Variants in TBC1D9B observed in about 807,000 individuals in gnomAD.
TBC1D9B encodes TBC1 domain family, member 9B (with GRAM domain).
TBC1D9B carries 87 observed loss-of-function variants against 121.1 expected under a neutral mutation model. The ratio of observed to expected loss-of-function variants is 0.72; its 90% confidence interval spans 0.60 to 0.86. The LOEUF (loss-of-function observed/expected upper bound fraction) is 0.86. Ranked by LOEUF, TBC1D9B falls within the 40% of genes least tolerant of loss-of-function variation. TBC1D9B has a pLI of 0.00. For missense variants in TBC1D9B, 1,540 were observed against 1,628.6 expected (o/e 0.95, Z 0.94); for synonymous variants, 668 against 670.1 (o/e 1.00, Z 0.05).
rs1241073134 is a variant in TBC1D9B, at chr5:179,894,594, G to T, written c.369C>A (p.Asn123Lys). The T allele has an allele frequency of 3.7e-6, 6 of 1,614,076 alleles. No individual in the cohort carries two copies. The highest frequency in any genetic ancestry group is 2.7e-5 in the African/African-American group (2 of 74,936). The part of the protein sequence containing the change: ...GKIHGIIAEE[N>K]KNLQPQGDED... Reference sequence around the variant, plus strand: ...CGTCTCCCTGGGGCTGCAGGTTCTTGTTCTCTTCTGCGATGATTCCCTGGA... The same window carrying T: ...CGTCTCCCTGGGGCTGCAGGTTCTTTTTCTCTTCTGCGATGATTCCCTGGA... Residue 123 changes from asparagine (N) to lysine (K), a missense_variant, in exon 4 of 21, where the codon AAC becomes AAA. By Grantham distance (94) the Asn-to-Lys change is moderately conservative (BLOSUM62 0). Transcript: ENST00000355235.
In TBC1D9B at chr5:179,907,621, C is replaced by T; in HGVS notation, c.118+83G>A. 2 of 768,544 alleles carry T rather than the reference C, an allele frequency of 2.6e-6. No homozygotes were observed. Among genetic ancestry groups the T allele is most frequent in the Non-Finnish European group, 3.2e-6 (2 of 634,608 alleles). 47.6% of individuals were successfully genotyped at this position (768,544 alleles called of 1,614,324 possible). A position where few individuals can be genotyped will look rare whatever the true frequency, so the allele number is the denominator to read the frequency against. On this transcript the variant is annotated intron_variant, in intron 1 of 20. Transcript: ENST00000355235. This position sits in a 1 kb window ranked among gnomAD's most constrained non-coding sequence, Gnocchi z 5.3. ...CGACGCGCCGAGGCCGGGCCGGAACCGGACCCGCCCGCCGCCCGCCGCCAG... is the reference window on the plus strand; with the variant it reads ...CGACGCGCCGAGGCCGGGCCGGAACTGGACCCGCCCGCCGCCCGCCGCCAG...
Position 179,875,134 on chromosome 5 carries a change from G to A in TBC1D9B, c.1954C>T (p.Gln652Ter), listed in dbSNP as rs1320066264. 30 of 1,613,928 alleles carry A rather than the reference G, an allele frequency of 1.9e-5. No homozygotes were observed. The highest frequency in any genetic ancestry group is 2.5e-5 in the Non-Finnish European group (30 of 1,180,038). ...AGGTCCTGCATCTTCTCCGAGAGCT[G>A]CGGCAGGAAGTCTCTCGTGAGCTCT... ...FEELTRDFLP[Q>*]LSEKMQDLGV... Residue 652 changes from glutamine (Q) to a stop codon, truncating the protein, a stop_gained, in exon 12 of 21, where the codon CAG becomes TAG. Transcript: ENST00000355235. LOFTEE classifies it high-confidence loss of function. The surrounding 1 kb of genome is among the most constrained non-coding windows in gnomAD (Gnocchi z 4.5).
At chr5:179,881,938 T>C (rs1159322199) in intron 7 of TBC1D9B, among the ~76,000 whole-genome samples, 6 of 150,730 alleles carry the variant, frequency 4.0e-5, no homozygotes, top group African/African-American at 1.2e-4. Context: ...TCTTTCCATA[T>C]ACCTTCCGTT....
intron 6 of TBC1D9B, among the ~76,000 whole-genome samples, chr5:179,888,615 C>T (rs1367756903): frequency 6.6e-6 from 1 of 152,148 alleles, no homozygotes; most frequent in East Asian, 1.9e-4. Flanking sequence ...GAAGGCTGTC[C>T]GAAAGCAGGG....
In TBC1D9B at chr5:179,890,787, C is replaced by T. The variant is rs2099043; in HGVS notation, c.1044+592G>A. 0.019 allele frequency among the ~76,000 whole-genome samples: 2,956 copies of T among 152,282 alleles called. 62 individuals carry two copies. The highest frequency in any genetic ancestry group is 0.061 in the African/African-American group (2,522 of 41,556). On this transcript the variant is annotated intron_variant, in intron 6 of 20. Coordinates refer to ENST00000355235, the MANE Select transcript of TBC1D9B (RefSeq NM_015043.4). The surrounding 1 kb of genome is among the most constrained non-coding windows in gnomAD (Gnocchi z 5.0). ...CTTGTCCTTGCTGTCCACACCCCTT[C>T]GGTGCAGTGCAGGACAGATGGCCTT...
intron 2 of TBC1D9B, among the ~76,000 whole-genome samples, chr5:179,901,493 A>G (rs1378277676): frequency 6.6e-6 from 1 of 152,216 alleles, no homozygotes; most frequent in African/African-American, 2.4e-5. Context: ...TTTAATTAAA[A>G]ATATTTATAG....
At chr5:179,887,434 C>T (rs975861604) in intron 7 of TBC1D9B, among the ~76,000 whole-genome samples, 1 of 152,240 alleles carries the variant, frequency 6.6e-6, no homozygotes, top group East Asian at 1.9e-4. Context: ...ACGCCTGCAG[C>T]GGATGCAATC....
At chr5:179,864,619 G>C (rs1582070702) in intron 20 of TBC1D9B, among the ~76,000 whole-genome samples, 1 of 152,156 alleles carries the variant, frequency 6.6e-6, no homozygotes, top group African/African-American at 2.4e-5. Context: ...GTGGGTGCTA[G>C]GTCCTGAAGC....
chr5:179,879,396 C>A lies in TBC1D9B; in HGVS notation c.1417-199G>T, dbSNP rs1760464513. Reference sequence around the variant, plus strand: ...GGAGACCAGCTCCTCAGCGGGAGGGCCCTTCCCTTCAGAGGCCTGGAGTCC... The same window carrying A: ...GGAGACCAGCTCCTCAGCGGGAGGGACCTTCCCTTCAGAGGCCTGGAGTCC... On this transcript the variant is annotated intron_variant, in intron 8 of 20. Coordinates refer to ENST00000355235, the MANE Select transcript of TBC1D9B (RefSeq NM_015043.4). 3.8e-6 allele frequency: 4 copies of A among 1,044,812 alleles called. No individual in the cohort carries two copies. In the South Asian group the frequency reaches 6.5e-5, roughly 17 times the overall value. 64.7% of individuals were successfully genotyped at this position (1,044,812 alleles called of 1,614,324 possible). A position where few individuals can be genotyped will look rare whatever the true frequency, so the allele number is the denominator to read the frequency against.
intron 7 of TBC1D9B, among the ~76,000 whole-genome samples, chr5:179,883,506 T>C (rs1760595692): frequency 6.6e-6 from 1 of 152,204 alleles, no homozygotes; most frequent in South Asian, 2.1e-4. Flanking sequence ...ATTCTTGTGT[T>C]CCTGATTTTC....
Position 179,891,006 on chromosome 5 carries a change from G to A in TBC1D9B, c.1044+373C>T, listed in dbSNP as rs1474035557. ...AGGTGGCCTCTGAGAGTGACATATG[G>A]GACCGGTGCAGGAACACGGTCCTCT... On this transcript the variant is annotated intron_variant, in intron 6 of 20. Coordinates refer to ENST00000355235, the MANE Select transcript of TBC1D9B (RefSeq NM_015043.4). This position sits in a 1 kb window ranked among gnomAD's most constrained non-coding sequence, Gnocchi z 4.3. Among the ~76,000 whole-genome samples, 1 of 152,208 alleles carries A rather than the reference G, an allele frequency of 6.6e-6. No individual in the cohort carries two copies. The highest frequency in any genetic ancestry group is 1.5e-5 in the Non-Finnish European group (1 of 68,038).
At chr5:179,867,461 C>T in intron 18 of TBC1D9B, 1 of 1,558,030 alleles carries the variant, frequency 6.4e-7, no homozygotes, top group Non-Finnish European at 8.7e-7. Context: ...CCTCCCAGGG[C>T]AGGAAAAGAT....
Position 179,862,410 on chromosome 5 carries a change from A to C in TBC1D9B, c.*1038T>G. 2.7e-6 allele frequency: 1 copy of C among 371,712 alleles called. No individual in the cohort carries two copies. The highest frequency in any genetic ancestry group is 1.9e-5 in the South Asian group (1 of 53,892). 23.0% of individuals were successfully genotyped at this position (371,712 alleles called of 1,614,324 possible). A position where few individuals can be genotyped will look rare whatever the true frequency, so the allele number is the denominator to read the frequency against. ...CCCCTGCGGTCACCTTTGGCTCCAC[A>C]GTCTGGTTCTTGAACCCAAGGGCAG... On this transcript the variant is annotated 3_prime_UTR_variant, in exon 21 of 21. Coordinates refer to ENST00000355235, the MANE Select transcript of TBC1D9B (RefSeq NM_015043.4).
chr5:179,872,324 A>G (rs1323901657), intron 14 of TBC1D9B: 1 of 157,996 alleles, frequency 6.3e-6, no homozygotes, highest in Non-Finnish European at 1.4e-5. Context: ...ATGCTCCTGT[A>G]CTTTAATTGG....
chr5:179,887,435 G>T (rs758682986), intron 7 of TBC1D9B, among the ~76,000 whole-genome samples: 1 of 152,210 alleles, frequency 6.6e-6, no homozygotes, highest in Non-Finnish European at 1.5e-5. Context: ...CGCCTGCAGC[G>T]GATGCAATCA....
rs1283275815 is a variant in TBC1D9B, at chr5:179,874,259, C to G, written c.2186+643G>C. Among the ~76,000 whole-genome samples, 2 of 151,942 alleles carry G rather than the reference C, an allele frequency of 1.3e-5. No homozygotes were observed. The highest frequency in any genetic ancestry group is 2.9e-5 in the Non-Finnish European group (2 of 67,968). On this transcript the variant is annotated intron_variant, in intron 12 of 20. Coordinates refer to ENST00000355235, the MANE Select transcript of TBC1D9B (RefSeq NM_015043.4). This position sits in a 1 kb window ranked among gnomAD's most constrained non-coding sequence, Gnocchi z 4.3. Reference sequence around the variant, plus strand: ...GGGCAGGGCCAGGTCTGATCAGAGTCATGGGATGCAGGCAGGTCAAAGACT... The same window carrying G: ...GGGCAGGGCCAGGTCTGATCAGAGTGATGGGATGCAGGCAGGTCAAAGACT...
chr5:179,894,733 C>G (rs1760974229), intron 3 of TBC1D9B, 119 bp from the exon 4 acceptor site: 2 of 892,892 alleles, frequency 2.2e-6, no homozygotes. Flanking sequence ...GCTACAGGCA[C>G]AGCTGGGAAC....
intron 18 of TBC1D9B, chr5:179,866,191 G>A (rs573169606): frequency 5.1e-4 from 188 of 366,140 alleles, no homozygotes; most frequent in Middle Eastern, 8.9e-4. Flanking sequence ...GAACAATGAT[G>A]AGGGCTATAG....
chr5:179,870,489 G>C lies in TBC1D9B; in HGVS notation c.2491C>G (p.His831Asp). Reference protein sequence around the residue: ...EDLYMVFKAKHLASQYWGCSR... With the variant: ...EDLYMVFKAKDLASQYWGCSR... ...CACCCCCAGTACTGGCTAGCCAGGT[G>C]CTTGGCCTGTGGGACACGGTCTGGT... Residue 831 changes from histidine to aspartate, a missense_variant, in exon 16 of 21, where the codon CAC becomes GAC. His to Asp is a moderately conservative substitution (Grantham distance 81). Transcript: ENST00000355235. The C allele has an allele frequency of 6.2e-7, 1 of 1,608,070 alleles. No homozygotes were observed. The highest frequency in any genetic ancestry group is 8.5e-7 in the Non-Finnish European group (1 of 1,179,330).
Sources: allele counts gnomAD v4.1 joint callset (sites outside exome capture counted in the v4.1 genomes callset), GRCh38; gene constraint gnomAD v4.1.1; non-coding constraint Gnocchi (gnomAD v3.1); transcripts MANE v1.5; gene names NCBI Gene and HGNC (gene_info 2026-07-23, HGNC 2026-07-21).